PHGDH: variants seen among roughly 807,000 people sequenced by gnomAD.
PHGDH encodes the protein phosphoglycerate dehydrogenase, also known as D-3-phosphoglycerate dehydrogenase.
A neutral mutation model predicts 52.6 loss-of-function variants in PHGDH; 50 were observed. That is an observed-to-expected ratio of 0.95 (90% CI 0.76 to 1.20). The LOEUF is 1.20. Among genes scored for constraint, PHGDH ranks in the 50% most tolerant of loss-of-function variants. The pLI, the probability that PHGDH is intolerant of heterozygous loss-of-function variation, is 0.00. For synonymous variants in PHGDH, 271 were observed against 280.5 expected, an observed-to-expected ratio of 0.97 and a Z score of 0.34; for missense variants, 630 against 684.6, an observed-to-expected ratio of 0.92 and a Z score of 0.89.
rs1417696443 is a variant in PHGDH at position 119,711,935 on chromosome 1, C to T, written c.-88C>T. On this transcript the variant is annotated 5_prime_UTR_variant, in exon 1 of 12. Transcript: ENST00000641023. ...GGAGCGGGAGCTGGAGAATACTGCCCAGTTACTCTAGCGCGCCAGGCCGAA... is the reference window on the plus strand; with the variant it reads ...GGAGCGGGAGCTGGAGAATACTGCCTAGTTACTCTAGCGCGCCAGGCCGAA... 5.2e-6 allele frequency: 7 copies of T among 1,345,082 alleles called. No homozygotes were observed. Among genetic ancestry groups the T allele is most frequent in the Non-Finnish European group, 7.5e-6 (7 of 937,308 alleles). 83.3% of individuals were successfully genotyped at this position (1,345,082 alleles called of 1,614,324 possible). A position where few individuals can be genotyped will look rare whatever the true frequency, so the allele number is the denominator to read the frequency against.
chr1:119,743,071 G>A (rs1163228123), intron 11 of PHGDH, 27 bp downstream of exon 11: 1 of 1,473,272 alleles, frequency 6.8e-7, no homozygotes, highest in Non-Finnish European at 9.5e-7. Context: ...AGGGCTGGCT[G>A]GTGTCCTTGA....
chr1:119,714,744 T>C (rs1317559265), intron 1 of PHGDH, among the ~76,000 whole-genome samples: 1 of 152,184 alleles, frequency 6.6e-6, no homozygotes, highest in Non-Finnish European at 1.5e-5. Flanking sequence ...TGCACAAGCC[T>C]GTAGTCTCAG....
chr1:119,734,486 A>G, intron 5 of PHGDH, 148 bp from the exon 6 acceptor site: 1 of 783,266 alleles, frequency 1.3e-6, no homozygotes, highest in Admixed American at 1.7e-5. Context: ...CATGGTACTT[A>G]GTGTATGGTA....
intron 8 of PHGDH, 56 bp downstream of exon 8, chr1:119,737,322 AG>A: frequency 6.6e-7 from 1 of 1,511,204 alleles, no homozygotes; most frequent in Non-Finnish European, 9.2e-7. Flanking sequence ...AGAGGAAGGA[AG>A]GCATCTTGTA....
chr1:119,722,898 CAAAAAAA>C (rs59674663), intron 2 of PHGDH, among the ~76,000 whole-genome samples: 2 of 88,708 alleles, frequency 2.3e-5, no homozygotes, highest in African/African-American at 3.9e-5. Flanking sequence ...GAGGCCTTGT[CAAAAAAA>C]AAAAAAAAAA....
At chr1:119,732,499 G>A (rs188062163) in intron 5 of PHGDH, among the ~76,000 whole-genome samples, 9 of 152,288 alleles carry the variant, frequency 5.9e-5, no homozygotes, top group African/African-American at 2.2e-4. Context: ...TGACAGGCAC[G>A]TGTGTCCTGG....
chr1:119,728,852 A>C (rs1427880663), intron 5 of PHGDH, among the ~76,000 whole-genome samples: 1 of 152,198 alleles, frequency 6.6e-6, no homozygotes. Context: ...AGATCATGTC[A>C]AATCTAGAAA....
chr1:119,721,102 G>T (rs758112636), intron 1 of PHGDH, 68 bp from the exon 2 acceptor site: 5 of 1,447,944 alleles, frequency 3.5e-6, no homozygotes, highest in Admixed American at 3.3e-5. Context: ...AGTAAGCAAT[G>T]ATGTGCCTGC....
chr1:119,728,127 G>C (rs1471615300), intron 5 of PHGDH, among the ~76,000 whole-genome samples: 1 of 152,156 alleles, frequency 6.6e-6, no homozygotes, highest in Non-Finnish European at 1.5e-5. Context: ...AGGCTGTCTA[G>C]ATGGGAAGTT....
At chr1:119,728,442 T>C (rs1031157890) in intron 5 of PHGDH, among the ~76,000 whole-genome samples, 8 of 152,212 alleles carry the variant, frequency 5.3e-5, no homozygotes, top group African/African-American at 1.4e-4. Flanking sequence ...TGCTTGTATG[T>C]ACACTATGAT....
At chr1:119,734,889 C>T in intron 6 of PHGDH, 123 bp downstream of exon 6, 3 of 1,078,988 alleles carry the variant, frequency 2.8e-6, no homozygotes, top group Non-Finnish European at 4.2e-6. Context: ...CACCTGGGTC[C>T]TGCAGAGGCT....
intron 5 of PHGDH, among the ~76,000 whole-genome samples, chr1:119,729,168 C>G (rs1651580404): frequency 6.6e-6 from 1 of 152,126 alleles, no homozygotes; most frequent in African/African-American, 2.4e-5. Flanking sequence ...TCCCTGGACT[C>G]CTGAGAGAGG....
In PHGDH at chr1:119,727,072, A is replaced by G; in HGVS notation, c.480A>G (p.Val160=). The G allele has an allele frequency of 6.2e-7, 1 of 1,609,476 alleles. No homozygotes were observed. Among genetic ancestry groups the G allele is most frequent in the Non-Finnish European group, 8.5e-7 (1 of 1,175,690 alleles). ...ILGLGRIGRE[V]ATRMQSFGMK... ...GCCTGGGCAGGATTGGGAGAGAGGT[A>G]GCTACCCGGATGCAGTCCTTTGGGA... Residue 160 remains valine (V), a synonymous_variant, in exon 5 of 12, where the codon GTA becomes GTG. Transcript: ENST00000641023.
Position 119,737,267 on chromosome 1 carries a change from G to A in PHGDH, c.945+1G>A, listed in dbSNP as rs758517215. 7.4e-6 allele frequency: 12 copies of A among 1,612,266 alleles called. No homozygotes were observed. Among genetic ancestry groups the A allele is most frequent in the Non-Finnish European group, 1.0e-5 (12 of 1,178,380 alleles). On this transcript the variant is annotated splice_donor_variant, in intron 8 of 11. Transcript: ENST00000641023. LOFTEE classifies it high-confidence loss of function. ...GAAGGGGAAATCTCTCACGGGGGTT[G>A]TAAGTATCACCACCTGGGGCTGGGG...
At chr1:119,717,077 C>T (rs1650965564) in intron 1 of PHGDH, among the ~76,000 whole-genome samples, 2 of 150,918 alleles carry the variant, frequency 1.3e-5, no homozygotes, top group South Asian at 4.2e-4. Context: ...TGCTCTTTAT[C>T]CTTTAAAAAA....
chr1:119,723,575 C>T, intron 3 of PHGDH, 134 bp downstream of exon 3: 2 of 740,478 alleles, frequency 2.7e-6, no homozygotes, highest in Non-Finnish European at 2.4e-6. Context: ...AGGCGACATG[C>T]AGACTGCAAA....
chr1:119,737,896 T>C (rs1426136558), intron 8 of PHGDH, among the ~76,000 whole-genome samples: 3 of 152,208 alleles, frequency 2.0e-5, no homozygotes, highest in Non-Finnish European at 2.9e-5. Flanking sequence ...TAAGTTTCAC[T>C]GGGTACCAGA....
chr1:119,741,469 TA>T (rs1167727598), intron 9 of PHGDH, among the ~76,000 whole-genome samples: 2 of 152,136 alleles, frequency 1.3e-5, no homozygotes, highest in Non-Finnish European at 2.9e-5. Context: ...GGGAGAATAA[TA>T]GGTAGGCCAG....
chr1:119,737,406 C>G lies in PHGDH; in HGVS notation c.945+140C>G, dbSNP rs1158726870. 1.1e-5 allele frequency: 8 copies of G among 754,260 alleles called. No homozygotes were observed. In the South Asian group the frequency reaches 1.4e-4, roughly 13 times the overall value. The allele number at this position is 754,260 out of a possible 1,614,324, so 46.7% of individuals were successfully genotyped here. A position where few individuals can be genotyped will look rare whatever the true frequency, so the allele number is the denominator to read the frequency against. Reference sequence around the variant, plus strand: ...GATAAGGGAAATCTGCTTGAGTCAGCACTCTCCGGAGCAGGTGGGCGGGAG... The same window carrying G: ...GATAAGGGAAATCTGCTTGAGTCAGGACTCTCCGGAGCAGGTGGGCGGGAG... On this transcript the variant is annotated intron_variant, in intron 8 of 11. Transcript: ENST00000641023.
Sources: gnomAD v4.1 joint callset for allele counts (sites outside exome capture counted in the v4.1 genomes callset) on GRCh38, gnomAD v4.1.1 for gene constraint, MANE v1.5 for transcripts, NCBI Gene and HGNC (gene_info 2026-07-23, HGNC 2026-07-21) for gene names.